ANK3: variants seen among roughly 807,000 people sequenced by gnomAD.
The protein encoded by ANK3 is ankyrin-3.
A neutral mutation model predicts 370.9 loss-of-function variants in ANK3; 57 were observed. The ratio of observed to expected loss-of-function variants is 0.15; its 90% CI spans 0.12 to 0.19. The LOEUF (loss-of-function observed/expected upper bound fraction) is 0.19, where lower values mean the gene tolerates loss of function less well. ANK3 is among the 10% of genes least tolerant of loss of function. The pLI is 1.00. For synonymous variants in ANK3, 1,929 were observed against 1,946.3 expected, an observed-to-expected ratio of 0.99 and a Z score of 0.23; for missense variants, 4,439 against 5,302.1, an observed-to-expected ratio of 0.84 and a Z score of 5.06.
intron 1 of ANK3, among the ~76,000 whole-genome samples, chr10:60,380,776 ACTT>A (rs1234693431): frequency 6.6e-6 from 1 of 152,294 alleles, no homozygotes; most frequent in East Asian, 1.9e-4. Context: ...TTTCAGACTC[ACTT>A]CTTCTGTTTT....
chr10:60,471,671 C>T (rs1465492523), intron 2 of ANK3, among the ~76,000 whole-genome samples: 1 of 151,958 alleles, frequency 6.6e-6, no homozygotes, highest in Non-Finnish European at 1.5e-5. Flanking sequence ...TGCCAAATTG[C>T]CTTTCAAGAA....
At chr10:60,434,154 G>A (rs940706605) in intron 2 of ANK3, among the ~76,000 whole-genome samples, 4 of 152,158 alleles carry the variant, frequency 2.6e-5, no homozygotes, top group African/African-American at 9.7e-5. Flanking sequence ...TATCAAAAAT[G>A]TGTTTGTGCT....
chr10:60,058,188 GTAT>G (rs755535841), intron 41 of ANK3, among the ~76,000 whole-genome samples: 34 of 152,168 alleles, frequency 2.2e-4, no homozygotes, highest in Non-Finnish European at 4.4e-4. Flanking sequence ...GAAGGTAGTA[GTAT>G]TCTTATATTT....
intron 1 of ANK3, among the ~76,000 whole-genome samples, chr10:60,312,704 AG>A (rs1329623638): frequency 6.6e-6 from 1 of 152,216 alleles, no homozygotes; most frequent in Non-Finnish European, 1.5e-5. Context: ...AATCTTTATT[AG>A]GGTTAAAAAA....
intron 18 of ANK3, among the ~76,000 whole-genome samples, chr10:60,173,842 CT>C (rs1037490947): frequency 2.6e-5 from 4 of 152,138 alleles, no homozygotes; most frequent in Admixed American, 6.5e-5. Flanking sequence ...CCACTGACCC[CT>C]GAGGGGCTAT....
rs546076363 is a variant in ANK3, at chr10:60,039,098, C to CG, written c.*19+3573_*19+3574insC. Among the ~76,000 whole-genome samples the CG allele has an allele frequency of 4.3e-4, 66 of 152,346 alleles. 4 individuals are homozygous for CG. The highest frequency in any genetic ancestry group is 1.5e-3 in the African/African-American group (62 of 41,578). On this transcript the variant is annotated intron_variant, in intron 43 of 43. Transcript: ENST00000280772. ...TTGCAGACTGGGAGATCCAGAAAGACAGGGACCATGAAGCATTTATTCACT... is the reference window on the plus strand; with the variant it reads ...TTGCAGACTGGGAGATCCAGAAAGACGAGGGACCATGAAGCATTTATTCACT...
intron 1 of ANK3, among the ~76,000 whole-genome samples, chr10:60,730,294 A>G (rs957549726): frequency 3.3e-5 from 5 of 152,066 alleles, no homozygotes; most frequent in African/African-American, 1.2e-4. Flanking sequence ...AATAGCTGGG[A>G]CTACAGGCAC....
rs869144298 is a variant in ANK3, at chr10:60,246,255, C to CAAAAAAAAAAAAAAAAAAAAAAAAAAAAA, written c.799-11470_799-11469insTTTTTTTTTTTTTTTTTTTTTTTTTTTTT. 2.2e-5 allele frequency among the ~76,000 whole-genome samples: 2 copies of CAAAAAAAAAAAAAAAAAAAAAAAAAAAAA among 92,704 alleles called. 1 individual carries two copies. Among genetic ancestry groups the CAAAAAAAAAAAAAAAAAAAAAAAAAAAAA allele is most frequent in the African/African-American group, 9.4e-5 (2 of 21,254 alleles). 60.8% of individuals were successfully genotyped at this position (92,704 alleles called of 152,430 possible). A position where few individuals can be genotyped will look rare whatever the true frequency, so the allele number is the denominator to read the frequency against. Reference sequence around the variant, plus strand: ...TGGGCAACAGAGAGAAACCCTGTATCAAAAAAAAAAAAAAAAAAAAAAAAA... The same window carrying CAAAAAAAAAAAAAAAAAAAAAAAAAAAAA: ...TGGGCAACAGAGAGAAACCCTGTATCAAAAAAAAAAAAAAAAAAAAAAAAAAAAAAAAAAAAAAAAAAAAAAAAAAAAAA... On this transcript the variant is annotated intron_variant, in intron 7 of 43. Coordinates refer to ENST00000280772, the MANE Select transcript of ANK3 (RefSeq NM_020987.5).
chr10:60,175,247 T>G (rs1591275422), intron 18 of ANK3, among the ~76,000 whole-genome samples: 1 of 152,206 alleles, frequency 6.6e-6, no homozygotes, highest in African/African-American at 2.4e-5. Context: ...AAAGTGTTTT[T>G]TCAAAAATAC....
chr10:60,642,669 C>A (rs555090487), intron 1 of ANK3, among the ~76,000 whole-genome samples: 1 of 151,996 alleles, frequency 6.6e-6, no homozygotes, highest in South Asian at 2.1e-4. Context: ...AGGAGATATA[C>A]CTAATGCTAA....
At chr10:60,728,239 G>A (rs1034759592) in intron 1 of ANK3, among the ~76,000 whole-genome samples, 10 of 152,076 alleles carry the variant, frequency 6.6e-5, no homozygotes, top group East Asian at 1.9e-4. Context: ...CACCTACTAC[G>A]GGAAATGTTT....
At chr10:60,117,020 C>T (rs571546472) in intron 25 of ANK3, among the ~76,000 whole-genome samples, 13 of 152,170 alleles carry the variant, frequency 8.5e-5, no homozygotes, top group Non-Finnish European at 1.2e-4. Flanking sequence ...AACAGCAAAA[C>T]GTGAAGGTAA....
At chr10:60,135,812 C>T (rs1024697642) in intron 24 of ANK3, among the ~76,000 whole-genome samples, 1 of 152,078 alleles carries the variant, frequency 6.6e-6, no homozygotes, top group Non-Finnish European at 1.5e-5. Context: ...AGGTACAGAG[C>T]CTCCTGACAT....
rs542369874 is a variant in ANK3, at chr10:60,373,290, T to C, written c.114+16135A>G. On this transcript the variant is annotated intron_variant, in intron 1 of 43. Coordinates refer to ENST00000280772, the MANE Select transcript of ANK3 (RefSeq NM_020987.5). ...CTTGTGTGGGGAGAAGATTTAAATG[T>C]CCGTCCCTTGGCTAAGGCAGTATAG... Among the ~76,000 whole-genome samples the C allele has an allele frequency of 1.3e-4, 20 of 152,242 alleles. No homozygotes were observed. In the East Asian group the frequency reaches 3.1e-3, roughly 24 times the overall value.
At chr10:60,606,573 C>A (rs1032542288) in intron 2 of ANK3, among the ~76,000 whole-genome samples, 1 of 152,148 alleles carries the variant, frequency 6.6e-6, no homozygotes, top group Non-Finnish European at 1.5e-5. Context: ...TAAAACCTTG[C>A]TATGCTTGTA....
intron 2 of ANK3, among the ~76,000 whole-genome samples, chr10:60,523,220 AC>A (rs2076389440): frequency 6.6e-6 from 1 of 152,012 alleles, no homozygotes; most frequent in South Asian, 2.1e-4. Context: ...TCAGAGATAC[AC>A]ATTTTTCTTT....
intron 1 of ANK3, among the ~76,000 whole-genome samples, chr10:60,301,466 T>C (rs1224493668): frequency 6.8e-6 from 1 of 146,438 alleles, no homozygotes; most frequent in East Asian, 2.0e-4. Flanking sequence ...CAGGCTGGAG[T>C]GCAGTGGCAG....
At chr10:60,704,020 C>T (rs893548605) in intron 1 of ANK3, among the ~76,000 whole-genome samples, 1 of 152,162 alleles carries the variant, frequency 6.6e-6, no homozygotes, top group Non-Finnish European at 1.5e-5. Context: ...ACCTGGGTTG[C>T]TTGGAATACT....
At position 60,140,279 on chromosome 10, in the gene ANK3, G is replaced by A. The variant is rs7070400; in HGVS notation, c.2615-1192C>T. The stretch of plus-strand genomic sequence containing the variant: ...GAGATTATTTTAAGTAACTATTTAC[G>A]GCTGGGCTATTTGCACATTCACTGC... On this transcript the variant is annotated intron_variant, in intron 23 of 43. Coordinates refer to ENST00000280772, the MANE Select transcript of ANK3 (RefSeq NM_020987.5). 5.9e-3 allele frequency: 8,528 copies of A among 1,443,500 alleles called. 391 individuals are homozygous for A. The African/African-American group carries it at 0.099, about 17-fold the overall frequency. 89.4% of individuals were successfully genotyped at this position (1,443,500 alleles called of 1,614,324 possible).
Sources: gnomAD v4.1 joint callset for allele counts (sites outside exome capture counted in the v4.1 genomes callset) on GRCh38, gnomAD v4.1.1 for gene constraint, MANE v1.5 for transcripts, NCBI Gene and HGNC (gene_info 2026-07-23, HGNC 2026-07-21) for gene names.